PDE1C: variants seen among roughly 807,000 people sequenced by gnomAD.
PDE1C encodes the protein phosphodiesterase 1C.
In PDE1C, 62 loss-of-function variants were observed where a neutral mutation model predicts 93.1. The ratio of observed to expected loss-of-function variants is 0.67; its 90% CI spans 0.54 to 0.82. The LOEUF (loss-of-function observed/expected upper bound fraction) is 0.82. Ranked by LOEUF, PDE1C falls within the 40% of genes least tolerant of loss-of-function variation. The probability of loss-of-function intolerance (pLI) is 0.00; values close to 1 mark genes in which losing one functional copy is unlikely to be tolerated. For missense variants in PDE1C, 742 were observed against 884.6 expected (o/e 0.84, Z 2.04); for synonymous variants, 325 against 310.1 (o/e 1.05, Z -0.50).
chr7:32,292,180 A>G (rs1185320922), intron 1 of PDE1C, among the ~76,000 whole-genome samples: 2 of 152,284 alleles, frequency 1.3e-5, no homozygotes, highest in East Asian at 3.9e-4. Flanking sequence ...CCTCCATAAA[A>G]AAATAATTTT....
At chr7:31,641,013 G>C in the PDE1C span, among the ~76,000 whole-genome samples, 1 of 152,272 alleles carries the variant, frequency 6.6e-6, no homozygotes, top group South Asian at 2.1e-4. Context: ...GGCTGAGGTA[G>C]CTGGGGTTTG....
At chr7:31,876,205 C>A (rs796610978) in intron 5 of PDE1C, among the ~76,000 whole-genome samples, 32 of 152,186 alleles carry the variant, frequency 2.1e-4, no homozygotes, top group African/African-American at 7.5e-4. Context: ...CTTTGAACTT[C>A]CCCAGTAAAC....
intron 2 of PDE1C, among the ~76,000 whole-genome samples, chr7:31,963,181 T>C (rs1476800860): frequency 2.0e-5 from 3 of 152,212 alleles, no homozygotes; most frequent in Non-Finnish European, 4.4e-5. Context: ...AATTATCATA[T>C]GCCAGGCACT....
At chr7:32,390,859 AT>A (rs1784736734) in intron 1 of PDE1C, among the ~76,000 whole-genome samples, 1 of 152,252 alleles carries the variant, frequency 6.6e-6, no homozygotes, top group South Asian at 2.1e-4. Flanking sequence ...TCAGAAAAAA[AT>A]AAAATAAAAT....
chr7:31,616,786 A>G, the PDE1C span, among the ~76,000 whole-genome samples: 617 of 144,508 alleles, frequency 4.3e-3, 4 homozygotes, highest in African/African-American at 0.016. Flanking sequence ...AAAGGTTTCT[A>G]AATTTCATTT....
the PDE1C span, among the ~76,000 whole-genome samples, chr7:31,660,614 A>C: frequency 6.6e-6 from 1 of 152,230 alleles, no homozygotes; most frequent in African/African-American, 2.4e-5. Context: ...AAGGAGCACA[A>C]AATTTTTTGA....
chr7:31,947,430 T>G (rs73310510), intron 2 of PDE1C, among the ~76,000 whole-genome samples: 4,840 of 152,304 alleles, frequency 0.032, 243 homozygotes, highest in African/African-American at 0.11. Flanking sequence ...ATGTTATATT[T>G]GACTGAGTCA....
intron 2 of PDE1C, among the ~76,000 whole-genome samples, chr7:31,966,073 A>C (rs867371875): frequency 1.2e-4 from 19 of 152,340 alleles, no homozygotes; most frequent in African/African-American, 4.6e-4. Context: ...TGACCAGCTA[A>C]CATCATAATG....
the PDE1C span, among the ~76,000 whole-genome samples, chr7:31,654,924 G>T: frequency 2.6e-5 from 4 of 152,054 alleles, no homozygotes; most frequent in Non-Finnish European, 4.4e-5. Flanking sequence ...ACTCAGCGGG[G>T]CCTTCCTACC....
intron 1 of PDE1C, among the ~76,000 whole-genome samples, chr7:32,390,693 A>T (rs1407607785): frequency 6.6e-6 from 1 of 152,018 alleles, no homozygotes; most frequent in Non-Finnish European, 1.5e-5. Flanking sequence ...CAACAAATAC[A>T]AAAATTAGCC....
At chr7:31,887,072 A>G (rs1209025858) in intron 2 of PDE1C, among the ~76,000 whole-genome samples, 1 of 152,184 alleles carries the variant, frequency 6.6e-6, no homozygotes, top group Admixed American at 6.5e-5. Context: ...AGGAGCACAC[A>G]TAGTGAGTGA....
At position 32,014,633 on chromosome 7, in the gene PDE1C, C is replaced by T. The variant is rs746474961; in HGVS notation, c.128+36921G>A. On this transcript the variant is annotated intron_variant, in intron 2 of 17. Coordinates refer to ENST00000396191, the MANE Select transcript of PDE1C (RefSeq NM_001191057.4). ...CTTGCCCTCCACCTTCCGACAGGCC[C>T]CAGTATGTGTTGTTCCCCTCCCTGT... Among the ~76,000 whole-genome samples, 108 of 152,176 alleles carry T rather than the reference C, an allele frequency of 7.1e-4. 2 individuals are homozygous for T. The Middle Eastern group carries it at 0.031, about 43-fold the overall frequency.
the PDE1C span, among the ~76,000 whole-genome samples, chr7:31,728,464 G>T: frequency 6.6e-6 from 1 of 152,242 alleles, no homozygotes; most frequent in African/African-American, 2.4e-5. Flanking sequence ...CGCAACATTT[G>T]TTTTATCCCC....
chr7:32,315,733 C>T (rs563196221), intron 1 of PDE1C, among the ~76,000 whole-genome samples: 51 of 152,314 alleles, frequency 3.3e-4, no homozygotes, highest in African/African-American at 1.2e-3. Context: ...TGGTGGCTCA[C>T]GCCTGTAATC....
At chr7:31,963,549 T>C (rs942518463) in intron 2 of PDE1C, among the ~76,000 whole-genome samples, 2 of 152,244 alleles carry the variant, frequency 1.3e-5, no homozygotes, top group East Asian at 1.9e-4. Context: ...ACTGGTATTC[T>C]TTTTCTCCCA....
chr7:31,620,270 T>C, the PDE1C span, among the ~76,000 whole-genome samples: 44 of 152,182 alleles, frequency 2.9e-4, no homozygotes, highest in African/African-American at 5.1e-4. Context: ...TCTCCCAGCA[T>C]GCAGCTGGAG....
At chr7:32,102,992 G>A (rs1185522841) in intron 3 of PDE1C, among the ~76,000 whole-genome samples, 1 of 152,062 alleles carries the variant, frequency 6.6e-6, no homozygotes, top group Non-Finnish European at 1.5e-5. Context: ...AGAGAGAGAG[G>A]GGCTCCTGCT....
At chr7:31,657,211 G>T in the PDE1C span, among the ~76,000 whole-genome samples, 1 of 15,824 alleles carries the variant, frequency 6.3e-5, no homozygotes, top group Non-Finnish European at 1.6e-4. Flanking sequence ...AAGACTGTAA[G>T]TTGTCTAAGC....
chr7:31,668,655 C>T, the PDE1C span, among the ~76,000 whole-genome samples: 51 of 152,114 alleles, frequency 3.4e-4, no homozygotes, highest in East Asian at 2.3e-3. Context: ...AGTGGCTTAG[C>T]GGTTGTCTAC....
Sources: gnomAD v4.1 joint callset for allele counts (sites outside exome capture counted in the v4.1 genomes callset) on GRCh38, gnomAD v4.1.1 for gene constraint, MANE v1.5 for transcripts, NCBI Gene and HGNC (gene_info 2026-07-23, HGNC 2026-07-21) for gene names.